The following PTPRM variants were observed in gnomAD, a reference collection of about 807,000 sequenced individuals.
The protein encoded by PTPRM is protein tyrosine phosphatase receptor type M.
PTPRM carries 47 observed loss-of-function variants against 186.7 expected under a neutral mutation model. The observed-to-expected ratio is 0.25, with a 90% confidence interval of 0.20 to 0.32. PTPRM has a LOEUF of 0.32. PTPRM is among the 10% of genes least tolerant of loss of function. PTPRM has a pLI of 1.00. For missense variants in PTPRM, 1,494 were observed against 1,865.0 expected, an observed-to-expected ratio of 0.80 and a Z score of 3.66; for synonymous variants, 668 against 674.9, an observed-to-expected ratio of 0.99 and a Z score of 0.16.
At chr18:8,243,762 C>T (rs1232783585) in intron 14 of PTPRM, among the ~76,000 whole-genome samples, 3 of 152,140 alleles carry the variant, frequency 2.0e-5, no homozygotes, top group Admixed American at 2.0e-4. Flanking sequence ...AATCATTGGT[C>T]ATTTTAATCT....
intron 22 of PTPRM, among the ~76,000 whole-genome samples, chr18:8,339,732 C>T (rs953472785): frequency 5.4e-5 from 8 of 148,900 alleles, no homozygotes; most frequent in African/African-American, 1.9e-4. Context: ...GATGTTGGCT[C>T]ATGATGGTCG....
chr18:8,164,411 G>A (rs1313171844), intron 14 of PTPRM, among the ~76,000 whole-genome samples: 1 of 152,198 alleles, frequency 6.6e-6, no homozygotes, highest in Non-Finnish European at 1.5e-5. Flanking sequence ...TGTTCATGCA[G>A]TATTATTCAT....
intron 3 of PTPRM, among the ~76,000 whole-genome samples, chr18:7,895,678 A>G (rs900176312): frequency 6.6e-6 from 1 of 152,072 alleles, no homozygotes; most frequent in East Asian, 1.9e-4. Flanking sequence ...TCCATTTCTC[A>G]CTTCGCTTTG....
intron 19 of PTPRM, among the ~76,000 whole-genome samples, chr18:8,254,824 A>G (rs1005210007): frequency 6.6e-6 from 1 of 152,208 alleles, no homozygotes; most frequent in Non-Finnish European, 1.5e-5. Context: ...CACTTCTTTT[A>G]GGAATAAGGC....
intron 23 of PTPRM, among the ~76,000 whole-genome samples, chr18:8,348,882 G>A (rs974495225): frequency 2.6e-5 from 4 of 152,196 alleles, no homozygotes; most frequent in African/African-American, 9.6e-5. Context: ...GAATAGTTCT[G>A]ATAACAGAAG....
Position 7,994,265 on chromosome 18 carries a change from AACACAC to A in PTPRM, c.1132+38878_1132+38883del, listed in dbSNP as rs71165762. 4.8e-3 allele frequency among the ~76,000 whole-genome samples: 709 copies of A among 148,824 alleles called. 7 individuals are homozygous for A. The highest frequency in any genetic ancestry group is 0.011 in the Middle Eastern group (3 of 284). On this transcript the variant is annotated intron_variant, in intron 7 of 32. Coordinates refer to ENST00000580170, the MANE Select transcript of PTPRM (RefSeq NM_001105244.2). ...ATCAATTCAGCAAGAGGATATAAAT[AACACAC>A]ACACACACACACACACACACACACA...
At chr18:8,095,328 T>G (rs2145436810) in intron 11 of PTPRM, among the ~76,000 whole-genome samples, 1 of 151,910 alleles carries the variant, frequency 6.6e-6, no homozygotes, top group African/African-American at 2.4e-5. Flanking sequence ...CTGTGTGATG[T>G]GGAGTATGTT....
At chr18:8,040,867 C>T (rs1423937178) in intron 7 of PTPRM, among the ~76,000 whole-genome samples, 2 of 152,168 alleles carry the variant, frequency 1.3e-5, no homozygotes, top group Admixed American at 1.3e-4. Flanking sequence ...TTACACCAAT[C>T]AGAATCTCTC....
At chr18:7,620,846 C>G (rs2037920469) in intron 1 of PTPRM, among the ~76,000 whole-genome samples, 1 of 152,008 alleles carries the variant, frequency 6.6e-6, no homozygotes. Flanking sequence ...ATATTTGAAC[C>G]TATCAAAAGC....
intron 7 of PTPRM, among the ~76,000 whole-genome samples, chr18:8,054,215 C>A (rs1373974635): frequency 6.7e-6 from 1 of 149,456 alleles, no homozygotes; most frequent in Non-Finnish European, 1.5e-5. Context: ...CTTTAATTCT[C>A]TGGGCATTTT....
At chr18:7,688,223 G>T (rs762750006) in intron 1 of PTPRM, among the ~76,000 whole-genome samples, 1 of 152,066 alleles carries the variant, frequency 6.6e-6, no homozygotes, top group Non-Finnish European at 1.5e-5. Flanking sequence ...ACTTACATTG[G>T]GCTTTTTGTG....
chr18:7,909,311 A>C (rs2050149669), intron 4 of PTPRM, among the ~76,000 whole-genome samples: 1 of 152,190 alleles, frequency 6.6e-6, no homozygotes, highest in Non-Finnish European at 1.5e-5. Context: ...TCTCCTTTGG[A>C]GAATACCTGT....
chr18:8,121,483 A>G (rs1022263621), intron 13 of PTPRM, among the ~76,000 whole-genome samples: 1 of 152,190 alleles, frequency 6.6e-6, no homozygotes, highest in African/African-American at 2.4e-5. Context: ...TTAACCACTT[A>G]AACACAACTG....
intron 7 of PTPRM, among the ~76,000 whole-genome samples, chr18:7,974,306 TCTC>T (rs1310172370): frequency 6.6e-6 from 1 of 152,172 alleles, no homozygotes; most frequent in Admixed American, 6.5e-5. Context: ...AACTAACAAG[TCTC>T]CTGCCCTCCT....
At chr18:7,941,638 TG>T (rs762884938) in intron 5 of PTPRM, among the ~76,000 whole-genome samples, 3 of 152,232 alleles carry the variant, frequency 2.0e-5, no homozygotes, top group Non-Finnish European at 4.4e-5. Context: ...GGAATAAACT[TG>T]TTGGGAGAAG....
intron 14 of PTPRM, among the ~76,000 whole-genome samples, chr18:8,237,443 T>G: frequency 9.8e-6 from 1 of 101,940 alleles, no homozygotes; most frequent in East Asian, 2.1e-4. Context: ...TTTTTTTTTT[T>G]TTTTTTTTTT....
chr18:7,622,603 G>T (rs923149349), intron 1 of PTPRM, among the ~76,000 whole-genome samples: 1 of 152,216 alleles, frequency 6.6e-6, no homozygotes, highest in Middle Eastern at 3.4e-3. Flanking sequence ...ATGCTGTCCT[G>T]TGGAACCCTA....
chr18:8,204,694 G>T (rs1568516797), intron 14 of PTPRM, among the ~76,000 whole-genome samples: 1 of 151,608 alleles, frequency 6.6e-6, no homozygotes, highest in Non-Finnish European at 1.5e-5. Flanking sequence ...ATCACACTTG[G>T]ACTTGATACA....
intron 7 of PTPRM, among the ~76,000 whole-genome samples, chr18:8,020,746 T>G (rs1162129633): frequency 6.6e-6 from 1 of 152,232 alleles, no homozygotes; most frequent in East Asian, 1.9e-4. Flanking sequence ...TTTGACAATT[T>G]TGTTCATTGG....
Sources: allele counts gnomAD v4.1 joint callset (sites outside exome capture counted in the v4.1 genomes callset), GRCh38; gene constraint gnomAD v4.1.1; transcripts MANE v1.5; gene names NCBI Gene and HGNC (gene_info 2026-07-23, HGNC 2026-07-21).